Variants in TBL1XR1 observed in about 807,000 individuals in gnomAD.
TBL1XR1 encodes TBL1X/Y related 1.
In TBL1XR1, 5 loss-of-function variants were observed where a neutral mutation model predicts 66.9. That is an observed-to-expected ratio of 0.07 (90% CI 0.04 to 0.16). The LOEUF (loss-of-function observed/expected upper bound fraction) is 0.16, where lower values mean the gene tolerates loss of function less well. Ranked by LOEUF, TBL1XR1 falls within the 10% of genes least tolerant of loss-of-function variation. The pLI, the probability that TBL1XR1 is intolerant of heterozygous loss-of-function variation, is 1.00. For missense variants in TBL1XR1, 238 were observed against 623.2 expected (o/e 0.38, Z 6.58); for synonymous variants, 210 against 206.0 (o/e 1.02, Z -0.17).
chr3:177,143,625 G>C, intron 1 of TBL1XR1, among the ~76,000 whole-genome samples: 1 of 152,186 alleles, frequency 6.6e-6, no homozygotes, highest in Non-Finnish European at 1.5e-5. Context: ...TAAAATACTA[G>C]ATTATATTTA....
chr3:177,132,878 T>C (rs969052304), intron 1 of TBL1XR1, among the ~76,000 whole-genome samples: 27 of 152,210 alleles, frequency 1.8e-4, no homozygotes, highest in South Asian at 4.1e-4. Context: ...GCTTTCTTAC[T>C]GTTCTTGATG....
At chr3:177,045,180 T>C (rs1471333716) in intron 10 of TBL1XR1, among the ~76,000 whole-genome samples, 3 of 152,122 alleles carry the variant, frequency 2.0e-5, no homozygotes, top group Non-Finnish European at 4.4e-5. Flanking sequence ...ATTTTAAAGT[T>C]GATGCTGTGC....
intron 13 of TBL1XR1, 54 bp downstream of exon 13, chr3:177,034,144 G>A: frequency 6.6e-7 from 1 of 1,520,126 alleles, no homozygotes; most frequent in Non-Finnish European, 8.8e-7. Context: ...CATATCTATT[G>A]GAAGTCTGAT....
intron 10 of TBL1XR1, among the ~76,000 whole-genome samples, chr3:177,040,071 C>A (rs182995608): frequency 6.6e-6 from 1 of 152,108 alleles, no homozygotes; most frequent in South Asian, 2.1e-4. Flanking sequence ...TGTGACTCAG[C>A]GCTTTGGTAG....
upstream of TBL1XR1, among the ~76,000 whole-genome samples, chr3:177,197,633 A>C (rs1355970533): frequency 3.8e-5 from 3 of 78,996 alleles, no homozygotes; most frequent in Non-Finnish European, 4.9e-5. Flanking sequence ...CGGGCGGGCG[A>C]GCGGGCGGGC....
rs1920133 is a variant in TBL1XR1 at position 177,161,217 on chromosome 3, C to T, written c.-122+35904G>A. Among the ~76,000 whole-genome samples, 7,107 of 152,180 alleles carry T rather than the reference C, an allele frequency of 0.047. 778 individuals are homozygous for T. The East Asian group carries it at 0.49, about 10-fold the overall frequency. ...CTGTTTCTCTGACTGTTTTGCCTAT[C>T]ATCTTAGATAACCCCTGTGCCAGTC... On this transcript the variant is annotated intron_variant, in intron 1 of 15. Coordinates refer to ENST00000457928, the MANE Select transcript of TBL1XR1 (RefSeq NM_024665.7).
At position 177,143,174 on chromosome 3, in the gene TBL1XR1, TCAA is replaced by T. The variant is rs1729827082; in HGVS notation, c.-121-44636_-121-44634del. On this transcript the variant is annotated intron_variant, in intron 1 of 15. Transcript: ENST00000457928. ...TGACTCTAAATGCAATATTAATCAA[TCAA>T]CAATATATATTAGGAAGTTATCTTT... Among the ~76,000 whole-genome samples the T allele has an allele frequency of 2.0e-5, 3 of 152,012 alleles. No individual in the cohort carries two copies. In the South Asian group the frequency reaches 6.2e-4, roughly 32 times the overall value.
chr3:177,165,825 C>G (rs1371849582), intron 1 of TBL1XR1, among the ~76,000 whole-genome samples: 1 of 152,168 alleles, frequency 6.6e-6, no homozygotes, highest in Non-Finnish European at 1.5e-5. Flanking sequence ...GAGCCAGGTT[C>G]AGTGGCTCAC....
intron 2 of TBL1XR1, chr3:177,091,021 GA>G (rs1168744218): frequency 6.6e-6 from 1 of 151,644 alleles, no homozygotes; most frequent in Non-Finnish European, 1.5e-5. Context: ...AAAAGAGGGA[GA>G]GGGGAAGGGA....
chr3:177,193,102 G>A (rs1178563113), intron 1 of TBL1XR1, among the ~76,000 whole-genome samples: 3 of 151,812 alleles, frequency 2.0e-5, no homozygotes, highest in South Asian at 4.2e-4. Flanking sequence ...GCAGTGAGCC[G>A]AGATCGCGCC....
At chr3:177,191,477 T>C (rs1300587529) in intron 1 of TBL1XR1, among the ~76,000 whole-genome samples, 1 of 152,212 alleles carries the variant, frequency 6.6e-6, no homozygotes, top group Non-Finnish European at 1.5e-5. Context: ...TTTCTCACTG[T>C]TAAATTCAGG....
chr3:177,155,355 T>C (rs1197138531), intron 1 of TBL1XR1, among the ~76,000 whole-genome samples: 1 of 152,128 alleles, frequency 6.6e-6, no homozygotes, highest in Non-Finnish European at 1.5e-5. Context: ...TAAAAAAACA[T>C]AGCCACAGAC....
intron 1 of TBL1XR1, among the ~76,000 whole-genome samples, chr3:177,147,668 G>C (rs975021956): frequency 1.3e-5 from 2 of 152,142 alleles, no homozygotes; most frequent in African/African-American, 4.8e-5. Flanking sequence ...TGGGGCTGAG[G>C]AAAATTAGCA....
At chr3:177,122,987 T>C (rs968999338) in intron 1 of TBL1XR1, among the ~76,000 whole-genome samples, 7 of 152,088 alleles carry the variant, frequency 4.6e-5, no homozygotes, top group African/African-American at 1.7e-4. Context: ...AAACCAAACA[T>C]CATGAGCAAT....
chr3:177,198,452 T>C (rs1737210996), upstream of TBL1XR1, among the ~76,000 whole-genome samples: 2 of 152,232 alleles, frequency 1.3e-5, no homozygotes, highest in Non-Finnish European at 1.5e-5. Context: ...TTGTGTACTT[T>C]TTGCATGTGT....
chr3:177,155,621 T>C (rs970976253), intron 1 of TBL1XR1, among the ~76,000 whole-genome samples: 1 of 152,232 alleles, frequency 6.6e-6, no homozygotes, highest in African/African-American at 2.4e-5. Flanking sequence ...AGGAGAAAGA[T>C]AGTTTTTTTC....
rs1050019356 is a variant in TBL1XR1 at position 177,023,117 on chromosome 3, A to G, written c.*2381T>C. 2 of 152,474 alleles carry G rather than the reference A, an allele frequency of 1.3e-5. No individual in the cohort carries two copies. The highest frequency in any genetic ancestry group is 2.9e-5 in the Non-Finnish European group (2 of 67,932). 9.4% of individuals were successfully genotyped at this position (152,474 alleles called of 1,614,324 possible). A position where few individuals can be genotyped will look rare whatever the true frequency, so the allele number is the denominator to read the frequency against. On this transcript the variant is annotated 3_prime_UTR_variant, in exon 16 of 16. Transcript: ENST00000457928. ...AGAATTTCTTGACTATCTTTTAATC[A>G]GCTGGGAAAAAGTCAATAACTGTAT...
At chr3:177,036,907 T>A (rs1451820435) in intron 12 of TBL1XR1, among the ~76,000 whole-genome samples, 1 of 152,262 alleles carries the variant, frequency 6.6e-6, no homozygotes, top group Non-Finnish European at 1.5e-5. Context: ...GGTTAGCTGT[T>A]GCAGGAGAGG....
intron 1 of TBL1XR1, among the ~76,000 whole-genome samples, chr3:177,106,538 C>T (rs1447710764): frequency 6.6e-6 from 1 of 152,172 alleles, no homozygotes; most frequent in African/African-American, 2.4e-5. Context: ...TGTGGAGCCA[C>T]ACAGGTGGGT....
Sources: allele counts gnomAD v4.1 joint callset (sites outside exome capture counted in the v4.1 genomes callset), GRCh38; gene constraint gnomAD v4.1.1; transcripts MANE v1.5; gene names NCBI Gene and HGNC (gene_info 2026-07-23, HGNC 2026-07-21).